Variants in SPATA17 observed in about 807,000 individuals in gnomAD.
SPATA17 encodes the protein spermatogenesis associated 17.
A neutral mutation model predicts 62.2 loss-of-function variants in SPATA17; 53 were observed. That is an observed-to-expected ratio of 0.85 (90% CI 0.68 to 1.07). The LOEUF (loss-of-function observed/expected upper bound fraction) is 1.07. Among genes scored for constraint, SPATA17 ranks in the 50% least tolerant of loss-of-function variants. The probability of loss-of-function intolerance (pLI) is 0.00; values close to 1 mark genes in which losing one functional copy is unlikely to be tolerated. For missense variants in SPATA17, 466 were observed against 425.5 expected (o/e 1.10, Z -0.84); for synonymous variants, 146 against 146.8 (o/e 0.99, Z 0.04).
chr1:217,647,473 T>C (rs1205980191), intron 1 of SPATA17, among the ~76,000 whole-genome samples: 1 of 152,172 alleles, frequency 6.6e-6, no homozygotes, highest in Non-Finnish European at 1.5e-5. Flanking sequence ...GGGAATACAG[T>C]ATAGGACAAA....
At chr1:217,799,223 A>G (rs1674233504) in intron 8 of SPATA17, among the ~76,000 whole-genome samples, 1 of 152,210 alleles carries the variant, frequency 6.6e-6, no homozygotes, top group African/African-American at 2.4e-5. Flanking sequence ...TGTTACTTTC[A>G]TGAAACATGA....
At position 217,833,316 on chromosome 1, in the gene SPATA17, A is replaced by G. The variant is rs933924117; in HGVS notation, c.1006-29458A>G. The stretch of plus-strand genomic sequence containing the variant: ...ATTCAGGAAAGTTGTCATCAACTGG[A>G]GAAGAAGTAACCAAAGAACCATCTC... On this transcript the variant is annotated intron_variant, in intron 9 of 10. Transcript: ENST00000366933. Among the ~76,000 whole-genome samples, 5 of 152,248 alleles carry G rather than the reference A, an allele frequency of 3.3e-5. No individual in the cohort carries two copies. The East Asian group carries it at 9.6e-4, about 29-fold the overall frequency.
intron 6 of SPATA17, among the ~76,000 whole-genome samples, chr1:217,749,985 C>CTCTCTATATATATA: frequency 4.4e-3 from 54 of 12,302 alleles, no homozygotes; most frequent in Middle Eastern, 0.031. Flanking sequence ...CTCTCTCTCT[C>CTCTCTATATATATA]TATATATATA....
At chr1:217,738,458 C>G (rs1460467026) in intron 5 of SPATA17, among the ~76,000 whole-genome samples, 1 of 152,210 alleles carries the variant, frequency 6.6e-6, no homozygotes, top group African/African-American at 2.4e-5. Context: ...ATAGCTAACA[C>G]TTACATAGCG....
intron 5 of SPATA17, among the ~76,000 whole-genome samples, chr1:217,736,680 A>C (rs1026684245): frequency 2.6e-5 from 4 of 152,212 alleles, no homozygotes; most frequent in African/African-American, 9.6e-5. Context: ...GCAGGGACCA[A>C]TGCTGAAAGG....
intron 8 of SPATA17, among the ~76,000 whole-genome samples, chr1:217,792,006 GGAA>G (rs1025320685): frequency 5.3e-5 from 8 of 152,060 alleles, no homozygotes; most frequent in Admixed American, 1.3e-4. Flanking sequence ...GGGCCACACT[GGAA>G]GAAGAAGAAG....
At chr1:217,711,948 G>T (rs867389455) in intron 5 of SPATA17, among the ~76,000 whole-genome samples, 1 of 152,112 alleles carries the variant, frequency 6.6e-6, no homozygotes, top group Non-Finnish European at 1.5e-5. Context: ...ACTTGAGGTA[G>T]ATATGTTCTT....
intron 3 of SPATA17, among the ~76,000 whole-genome samples, chr1:217,654,070 T>C (rs1031488880): frequency 1.3e-5 from 2 of 152,082 alleles, no homozygotes; most frequent in African/African-American, 4.8e-5. Flanking sequence ...CTCCACCTTC[T>C]TTCTCCCTTC....
intron 4 of SPATA17, among the ~76,000 whole-genome samples, chr1:217,677,642 T>C (rs1052384147): frequency 6.6e-6 from 1 of 152,178 alleles, no homozygotes; most frequent in Non-Finnish European, 1.5e-5. Flanking sequence ...ACCAAGCTTT[T>C]ACCTGATGAT....
chr1:217,818,364 A>G (rs1057106753), intron 9 of SPATA17, among the ~76,000 whole-genome samples: 1 of 152,092 alleles, frequency 6.6e-6, no homozygotes, highest in African/African-American at 2.4e-5. Flanking sequence ...GAAATGTGTC[A>G]TTAGATAATT....
At chr1:217,812,718 T>C (rs1674621372) in intron 9 of SPATA17, among the ~76,000 whole-genome samples, 1 of 152,156 alleles carries the variant, frequency 6.6e-6, no homozygotes, top group Admixed American at 6.5e-5. Context: ...TCTAAAAGAG[T>C]TGGACAATAA....
At chr1:217,847,898 G>T (rs1675563495) in intron 9 of SPATA17, among the ~76,000 whole-genome samples, 2 of 152,168 alleles carry the variant, frequency 1.3e-5, no homozygotes, top group Admixed American at 1.3e-4. Context: ...TGGGCATGGT[G>T]GCACACACCT....
intron 6 of SPATA17, among the ~76,000 whole-genome samples, chr1:217,764,559 G>A (rs568791861): frequency 6.6e-6 from 1 of 152,284 alleles, no homozygotes; most frequent in East Asian, 1.9e-4. Context: ...GCAGAGGTGA[G>A]TTTTCAAGTC....
chr1:217,812,854 A>G (rs530356226), intron 9 of SPATA17, among the ~76,000 whole-genome samples: 1 of 152,324 alleles, frequency 6.6e-6, no homozygotes, highest in South Asian at 2.1e-4. Context: ...TAGGCATTTT[A>G]GACAACTGAT....
intron 5 of SPATA17, among the ~76,000 whole-genome samples, chr1:217,714,488 C>CTTTTTTT (rs750665329): frequency 8.2e-6 from 1 of 121,432 alleles, no homozygotes; most frequent in Non-Finnish European, 1.7e-5. Flanking sequence ...AAACGTGTTT[C>CTTTTTTT]TTTTTTTTTT....
At chr1:217,683,076 T>C (rs558467231) in intron 4 of SPATA17, among the ~76,000 whole-genome samples, 182 bp from the exon 5 acceptor site, 34 of 152,044 alleles carry the variant, frequency 2.2e-4, no homozygotes, top group African/African-American at 7.9e-4. Flanking sequence ...TTTTATAATA[T>C]TTCATAAAAA....
At chr1:217,652,312 A>G (rs1571706644) in intron 3 of SPATA17, among the ~76,000 whole-genome samples, 2 of 152,054 alleles carry the variant, frequency 1.3e-5, no homozygotes, top group South Asian at 4.1e-4. Flanking sequence ...TCTCACCGCA[A>G]CCTCTGCCTC....
At chr1:217,851,638 G>A (rs1480513336) in intron 9 of SPATA17, among the ~76,000 whole-genome samples, 2 of 152,118 alleles carry the variant, frequency 1.3e-5, no homozygotes, top group Non-Finnish European at 2.9e-5. Context: ...TTAAAATGGT[G>A]TTGTTAGCAG....
chr1:217,825,022 T>C (rs1268470916), intron 9 of SPATA17, among the ~76,000 whole-genome samples: 1 of 144,552 alleles, frequency 6.9e-6, no homozygotes. Flanking sequence ...AATATTTGCA[T>C]TCATATAAAT....
Sources: allele counts gnomAD v4.1 joint callset (sites outside exome capture counted in the v4.1 genomes callset), GRCh38; gene constraint gnomAD v4.1.1; transcripts MANE v1.5; gene names NCBI Gene and HGNC (gene_info 2026-07-23, HGNC 2026-07-21).